The following EXD3 variants were observed in gnomAD, a reference collection of about 807,000 sequenced individuals.
The protein encoded by EXD3 is exonuclease mut-7 homolog.
Under a neutral mutation model 98.0 loss-of-function variants are expected in EXD3, and 92 were observed. The ratio of observed to expected loss-of-function variants is 0.94; its 90% CI spans 0.79 to 1.12. The LOEUF (loss-of-function observed/expected upper bound fraction) is 1.12. Among genes scored for constraint, EXD3 ranks in the 50% most tolerant of loss-of-function variants. The pLI is 0.00. For missense variants in EXD3, 1,222 were observed against 1,191.6 expected, an observed-to-expected ratio of 1.03 and a Z score of -0.38; for synonymous variants, 569 against 526.0, an observed-to-expected ratio of 1.08 and a Z score of -1.12.
chr9:137,351,456 G>C lies in EXD3; in HGVS notation c.1246C>G (p.Leu416Val), dbSNP rs1834300463. Residue 416 changes from leucine (L) to valine (V), a missense_variant, in exon 13 of 22, where the codon CTC becomes GTC. Coordinates refer to ENST00000340951, the MANE Select transcript of EXD3 (RefSeq NM_017820.5). ...TGGCCCTCCACGGCCACCTGCAGGAGTGACGGCCGAGGCCGGCCCCCAGCA... is the reference window on the plus strand; with the variant it reads ...TGGCCCTCCACGGCCACCTGCAGGACTGACGGCCGAGGCCGGCCCCCAGCA... ...FVAGGRPRPS[L>V]LQVAVEGHVF... 5 of 1,603,308 alleles carry C rather than the reference G, an allele frequency of 3.1e-6. No individual in the cohort carries two copies. The highest frequency in any genetic ancestry group is 4.3e-6 in the Non-Finnish European group (5 of 1,176,404).
intron 17 of EXD3, among the ~76,000 whole-genome samples, chr9:137,337,890 C>A (rs1486748253): frequency 6.6e-6 from 1 of 151,896 alleles, no homozygotes; most frequent in Admixed American, 6.6e-5. Flanking sequence ...CGGGTTCATG[C>A]CATTCTCCTG....
At chr9:137,408,612 C>A (rs915980093) in intron 1 of EXD3, among the ~76,000 whole-genome samples, 1 of 151,586 alleles carries the variant, frequency 6.6e-6, no homozygotes, top group African/African-American at 2.4e-5. Context: ...CACACCTCCC[C>A]CCAGCTGCTC....
intron 7 of EXD3, among the ~76,000 whole-genome samples, chr9:137,363,283 CTT>C (rs113879712): frequency 8.2e-6 from 1 of 122,312 alleles, no homozygotes. Context: ...TTGGGCTGCG[CTT>C]TTTTTTTTTT....
chr9:137,384,215 G>A (rs1836471049), intron 2 of EXD3, among the ~76,000 whole-genome samples: 1 of 152,218 alleles, frequency 6.6e-6, no homozygotes, highest in Non-Finnish European at 1.5e-5. Context: ...TGCTGCGAGG[G>A]AGGCTGAGGA....
At chr9:137,330,921 C>T (rs370845549) in intron 17 of EXD3, among the ~76,000 whole-genome samples, 43 of 152,284 alleles carry the variant, frequency 2.8e-4, no homozygotes, top group African/African-American at 1.0e-3. Flanking sequence ...ATAAAACAAA[C>T]ATGATAATGT....
chr9:137,406,707 G>T (rs1171028702), intron 1 of EXD3, among the ~76,000 whole-genome samples: 1 of 152,156 alleles, frequency 6.6e-6, no homozygotes, highest in Non-Finnish European at 1.5e-5. Context: ...CACTCCCAGC[G>T]GCTTCTGGAA....
chr9:137,309,907 C>T (rs556886155), intron 19 of EXD3, among the ~76,000 whole-genome samples: 77 of 152,344 alleles, frequency 5.1e-4, no homozygotes, highest in Middle Eastern at 3.4e-3. Context: ...GCTGGCTTCT[C>T]ATGGGCCCTG....
chr9:137,417,458 C>G (rs1588447083), intron 1 of EXD3, among the ~76,000 whole-genome samples: 1 of 152,140 alleles, frequency 6.6e-6, no homozygotes, highest in Admixed American at 6.5e-5. Flanking sequence ...GAGCCAACGG[C>G]GCGAGGGGCG....
chr9:137,411,869 C>T (rs1037291744), intron 1 of EXD3, among the ~76,000 whole-genome samples: 17 of 152,188 alleles, frequency 1.1e-4, no homozygotes, highest in Admixed American at 2.6e-4. Context: ...CATTCTTGTC[C>T]GGGCGCCAGG....
chr9:137,355,599 A>AG (rs1564508730), intron 8 of EXD3, among the ~76,000 whole-genome samples: 3 of 15,408 alleles, frequency 1.9e-4, no homozygotes, highest in African/African-American at 3.3e-4. Context: ...AAAGGGCGGA[A>AG]GGAGAAAGGA....
intron 12 of EXD3, 148 bp downstream of exon 12, chr9:137,351,918 C>T (rs117435025): frequency 5.2e-5 from 52 of 1,001,214 alleles, no homozygotes; most frequent in East Asian, 2.1e-4. Flanking sequence ...GTGTGGGGAA[C>T]GGCTGCCCTC....
At chr9:137,318,362 G>C (rs1831823920) in intron 19 of EXD3, among the ~76,000 whole-genome samples, 1 of 152,064 alleles carries the variant, frequency 6.6e-6, no homozygotes, top group South Asian at 2.1e-4. Context: ...GCTCTGCCCG[G>C]GAGCCCTCGG....
intron 19 of EXD3, among the ~76,000 whole-genome samples, chr9:137,318,332 C>A (rs1337045009): frequency 6.6e-6 from 1 of 152,096 alleles, no homozygotes; most frequent in Non-Finnish European, 1.5e-5. Context: ...CACCCCCCCT[C>A]GTCCCCCCCA....
intron 1 of EXD3, among the ~76,000 whole-genome samples, chr9:137,413,268 T>G (rs1181529258): frequency 2.0e-5 from 3 of 151,718 alleles, no homozygotes; most frequent in East Asian, 3.9e-4. Flanking sequence ...TGGCGTGATC[T>G]TGGCTCACTG....
intron 1 of EXD3, among the ~76,000 whole-genome samples, chr9:137,419,044 G>A (rs1191318372): frequency 1.3e-5 from 2 of 151,928 alleles, no homozygotes; most frequent in Admixed American, 6.6e-5. Flanking sequence ...AACTAACTTG[G>A]ATATAACAAA....
intron 1 of EXD3, among the ~76,000 whole-genome samples, chr9:137,421,476 T>C (rs2131853834): frequency 6.6e-6 from 1 of 152,342 alleles, no homozygotes; most frequent in Non-Finnish European, 1.5e-5. Context: ...ATTCTAGCCC[T>C]GATCATTGTA....
chr9:137,371,153 C>T lies in EXD3; in HGVS notation c.462+1752G>A. On this transcript the variant is annotated intron_variant, in intron 5 of 21. Coordinates refer to ENST00000340951, the MANE Select transcript of EXD3 (RefSeq NM_017820.5). This position sits in a 1 kb window ranked among gnomAD's most constrained non-coding sequence, Gnocchi z 8.0. ...CGCGAGGGAGGCGCATTCAGCCGGCCCCAGACAGTCTTTGAAAGGCTCTGT... is the reference window on the plus strand; with the variant it reads ...CGCGAGGGAGGCGCATTCAGCCGGCTCCAGACAGTCTTTGAAAGGCTCTGT... Among the ~76,000 whole-genome samples the T allele has an allele frequency of 6.6e-6, 1 of 152,186 alleles. No individual in the cohort carries two copies. Among genetic ancestry groups the T allele is most frequent in the South Asian group, 2.1e-4 (1 of 4,834 alleles).
At chr9:137,354,219 C>G in intron 10 of EXD3, 120 bp downstream of exon 10, 1 of 1,497,100 alleles carries the variant, frequency 6.7e-7, no homozygotes, top group Non-Finnish European at 9.0e-7. Context: ...GGGGTCTGGG[C>G]TCAGCAGCCC....
chr9:137,386,970 TGCTCCCTGCCTGCCTCCCTCAGCACCCCC>T (rs1415197405), intron 2 of EXD3, among the ~76,000 whole-genome samples: 1,294 of 126,826 alleles, frequency 0.01, 92 homozygotes, highest in Middle Eastern at 0.018. Flanking sequence ...TCAGCACCCC[TGCTCCCTGCCTGCCTCCCTCAGCACCCCC>T]GCTCCCTGCC....
Sources: allele counts gnomAD v4.1 joint callset (sites outside exome capture counted in the v4.1 genomes callset), GRCh38; gene constraint gnomAD v4.1.1; non-coding constraint Gnocchi (gnomAD v3.1); transcripts MANE v1.5; gene names NCBI Gene and HGNC (gene_info 2026-07-23, HGNC 2026-07-21).